DDR1: variants seen among roughly 807,000 people sequenced by gnomAD.
DDR1 encodes the protein discoidin domain receptor tyrosine kinase 1.
In DDR1, 64 loss-of-function variants were observed where a neutral mutation model predicts 97.4. That is an observed-to-expected ratio of 0.66 (90% confidence interval 0.54 to 0.81). The LOEUF is 0.81. Among genes scored for constraint, DDR1 ranks in the 30% least tolerant of loss-of-function variants. The probability of loss-of-function intolerance (pLI) is 0.00; values close to 1 mark genes in which losing one functional copy is unlikely to be tolerated. For missense variants in DDR1, 990 were observed against 1,259.6 expected (o/e 0.79, Z 3.24); for synonymous variants, 458 against 503.7 (o/e 0.91, Z 1.21).
chr6:30,894,396 C>A lies in DDR1; in HGVS notation c.1348-110C>A. 1 of 1,074,460 alleles carries A rather than the reference C, an allele frequency of 9.3e-7. No homozygotes were observed. The highest frequency in any genetic ancestry group is 1.3e-6 in the Non-Finnish European group (1 of 764,338). 66.6% of individuals were successfully genotyped at this position (1,074,460 alleles called of 1,614,324 possible). A position where few individuals can be genotyped will look rare whatever the true frequency, so the allele number is the denominator to read the frequency against. On this transcript the variant is annotated intron_variant, in intron 10 of 17. Coordinates refer to ENST00000376568, the MANE Select transcript of DDR1 (RefSeq NM_001297654.2). The surrounding 1 kb of genome is among the most constrained non-coding windows in gnomAD (Gnocchi z 5.7). ...AAGATGGTGCTGATAGTATCCACAG[C>A]TGTAGGGCTCTTGTGAGGGCTGAGG...
At chr6:30,887,797 A>C (rs1361115308) in intron 1 of DDR1, among the ~76,000 whole-genome samples, 1 of 152,036 alleles carries the variant, frequency 6.6e-6, no homozygotes, top group Non-Finnish European at 1.5e-5. Flanking sequence ...ATGGGGTCTC[A>C]CTATGTTCAC....
chr6:30,891,565 G>T lies in DDR1; in HGVS notation c.665+86G>T, dbSNP rs1335653494. On this transcript the variant is annotated intron_variant, in intron 6 of 17. Transcript: ENST00000376568. The surrounding 1 kb of genome is among the most constrained non-coding windows in gnomAD (Gnocchi z 5.3). ...TGTGTGTGTGTGTGTGTGAGAGTGTGTGTGTGTAGGGGGGCTGGTAAGTAG... is the reference window on the plus strand; with the variant it reads ...TGTGTGTGTGTGTGTGTGAGAGTGTTTGTGTGTAGGGGGGCTGGTAAGTAG... 47 of 942,402 alleles carry T rather than the reference G, an allele frequency of 5.0e-5. No individual in the cohort carries two copies. Among genetic ancestry groups the T allele is most frequent in the Admixed American group, 2.1e-4 (10 of 48,210 alleles). The allele number at this position is 942,402 out of a possible 1,614,324, so 58.4% of individuals were successfully genotyped here.
Position 30,896,659 on chromosome 6 carries a change from G to A in DDR1, c.1663G>A (p.Ala555Thr), listed in dbSNP as rs779496426. Residue 555 changes from alanine (A) to threonine (T), a missense_variant, in exon 13 of 18, where the codon GCC becomes ACC. By Grantham distance (58) the Ala-to-Thr change is moderately conservative. Coordinates refer to ENST00000376568, the MANE Select transcript of DDR1 (RefSeq NM_001297654.2). ...GDYMEPEKPG[A>T]PLLPPPPQNS... ...CTATATGGAGCCTGAGAAGCCAGGC[G>A]CCCCGCTTCTGCCCCCACCTCCCCA... 1.1e-5 allele frequency: 18 copies of A among 1,613,218 alleles called. No individual in the cohort carries two copies. The highest frequency in any genetic ancestry group is 5.0e-5 in the Admixed American group (3 of 59,854).
In DDR1 at chr6:30,896,826, C is replaced by T. The variant is rs1355075178; in HGVS notation, c.1830C>T (p.Leu610=). Residue 610 remains leucine, a synonymous_variant, in exon 13 of 18, where the codon CTC becomes CTT. Transcript: ENST00000376568. ...GAGTGGATTTCCCTCGATCTCGACT[C>T]CGCTTCAAGGAGAAGCTTGGCGAGG... The part of the protein sequence containing the change: ...PPRVDFPRSR[L]RFKEKLGEGQ... 1.3e-6 allele frequency: 2 copies of T among 1,590,606 alleles called. No individual in the cohort carries two copies. Among genetic ancestry groups the T allele is most frequent in the Non-Finnish European group, 1.7e-6 (2 of 1,166,562 alleles).
rs772571215 is a variant in DDR1, at chr6:30,896,670, G to A, written c.1674G>A (p.Leu558=). 2 of 1,613,144 alleles carry A rather than the reference G, an allele frequency of 1.2e-6. No individual in the cohort carries two copies. The highest frequency in any genetic ancestry group is 1.7e-6 in the Non-Finnish European group (2 of 1,179,680). Reference sequence around the variant, plus strand: ...CTGAGAAGCCAGGCGCCCCGCTTCTGCCCCCACCTCCCCAGAACAGCGTCC... The same window carrying A: ...CTGAGAAGCCAGGCGCCCCGCTTCTACCCCCACCTCCCCAGAACAGCGTCC... ...MEPEKPGAPL[L]PPPPQNSVPH... is the part of the protein sequence containing the mutation. The change falls in exon 13 of 18, where the codon CTG becomes CTA. Residue 558 remains leucine (L), a synonymous_variant. Coordinates refer to ENST00000376568, the MANE Select transcript of DDR1 (RefSeq NM_001297654.2).
chr6:30,888,520 T>C lies in DDR1; in HGVS notation c.-42-168T>C, dbSNP rs373262985. The stretch of plus-strand genomic sequence containing the variant: ...GATTCTGTTTAAGGGTTTAGGCCAG[T>C]GTCTGGCACAGGGGAAGCATTCTAA... On this transcript the variant is annotated intron_variant, in intron 1 of 17. Transcript: ENST00000376568. This position sits in a 1 kb window ranked among gnomAD's most constrained non-coding sequence, Gnocchi z 4.2. The C allele has an allele frequency of 1.7e-4, 127 of 729,826 alleles. 1 individual carries two copies. Among genetic ancestry groups the C allele is most frequent in the East Asian group, 1.1e-3 (39 of 36,892 alleles). 45.2% of individuals were successfully genotyped at this position (729,826 alleles called of 1,614,324 possible). A position where few individuals can be genotyped will look rare whatever the true frequency, so the allele number is the denominator to read the frequency against.
Position 30,896,784 on chromosome 6 carries a change from C to T in DDR1, c.1788C>T (p.Val596=), listed in dbSNP as rs148717477. The T allele has an allele frequency of 6.3e-5, 100 of 1,582,542 alleles. No homozygotes were observed. The African/African-American group carries it at 1.1e-3, about 17-fold the overall frequency. The change falls in exon 13 of 18, where the codon GTC becomes GTT. Residue 596 remains valine, a synonymous_variant. Transcript: ENST00000376568. ...TGCCTGCACTGCCCCCAGGGGCAGT[C>T]GGGGATGGGCCCCCCAGAGTGGATT... ...YAVPALPPGA[V]GDGPPRVDFP...
upstream of DDR1, chr6:30,884,329 G>A (rs1248623968): frequency 1.3e-5 from 2 of 151,540 alleles, no homozygotes; most frequent in East Asian, 1.9e-4. This position sits in a 1 kb window ranked among gnomAD's most constrained non-coding sequence, Gnocchi z 6.1. Context: ...GCGGGCGCGG[G>A]GCCTGGAGCT....
rs1453377102 is a variant in DDR1, at chr6:30,892,086, G to T, written c.750G>T (p.Trp250Cys). The T allele has an allele frequency of 6.2e-7, 1 of 1,614,210 alleles. No individual in the cohort carries two copies. The highest frequency in any genetic ancestry group is 1.1e-5 in the South Asian group (1 of 91,088). The change falls in exon 7 of 18, where the codon TGG becomes TGT. Residue 250 changes from tryptophan (W) to cysteine (C), a missense_variant. Physicochemically the swap from Trp to Cys is radical, Grantham distance 215. Transcript: ENST00000376568. ...GGAAGAGTCAGGAGCTGCGGGTCTGGCCAGGCTATGACTATGTGGGATGGA... is the reference window on the plus strand; with the variant it reads ...GGAAGAGTCAGGAGCTGCGGGTCTGTCCAGGCTATGACTATGTGGGATGGA... Reference protein sequence around the residue: ...DFRKSQELRVWPGYDYVGWSN... With the variant: ...DFRKSQELRVCPGYDYVGWSN...
rs1337954942 is a variant in DDR1 at position 30,898,173 on chromosome 6, C to T, written c.2317C>T (p.Leu773=). 5.6e-6 allele frequency: 9 copies of T among 1,614,278 alleles called. No homozygotes were observed. The highest frequency in any genetic ancestry group is 7.6e-6 in the Non-Finnish European group (9 of 1,180,048). The stretch of plus-strand genomic sequence containing the variant: ...TCGGGACCTGGCCACGCGGAACTGC[C>T]TAGTTGGGGAAAATTTCACCATCAA... The part of the protein sequence containing the change: ...VHRDLATRNC[L]VGENFTIKIA... The change falls in exon 16 of 18, where the codon CTA becomes TTA. Residue 773 remains leucine (L), a synonymous_variant. Coordinates refer to ENST00000376568, the MANE Select transcript of DDR1 (RefSeq NM_001297654.2).
chr6:30,886,933 G>A lies in DDR1; in HGVS notation c.-42-1755G>A, dbSNP rs1302161177. The A allele has an allele frequency of 6.6e-6, 1 of 152,228 alleles. No individual in the cohort carries two copies. Among genetic ancestry groups the A allele is most frequent in the Non-Finnish European group, 1.5e-5 (1 of 68,094 alleles). 9.4% of individuals were successfully genotyped at this position (152,228 alleles called of 1,614,324 possible). A position where few individuals can be genotyped will look rare whatever the true frequency, so the allele number is the denominator to read the frequency against. On this transcript the variant is annotated intron_variant, in intron 1 of 17. Coordinates refer to ENST00000376568, the MANE Select transcript of DDR1 (RefSeq NM_001297654.2). The surrounding 1 kb of genome is among the most constrained non-coding windows in gnomAD (Gnocchi z 4.6). ...AGTTTTATGTGGGGTAAGCTTCCTG[G>A]GCCTGAGGAACAGAGTAGGGATTTT...
At chr6:30,896,576 T>C in intron 12 of DDR1, 45 bp from the exon 13 acceptor site, 1 of 1,586,334 alleles carries the variant, frequency 6.3e-7, no homozygotes, top group Non-Finnish European at 8.6e-7. Flanking sequence ...GCTCTTGGGC[T>C]GTTCCTGATG....
In DDR1 at chr6:30,891,240, G is replaced by T. The variant is rs1389919673; in HGVS notation, c.565+120G>T. On this transcript the variant is annotated intron_variant, in intron 5 of 17. Transcript: ENST00000376568. The surrounding 1 kb of genome is among the most constrained non-coding windows in gnomAD (Gnocchi z 5.3). ...TGGGAAGCTGTCACTCTGAGGAGGG[G>T]GCTAGCCAGCATTGTCTCCTCCATG... The T allele has an allele frequency of 8.0e-6, 12 of 1,496,300 alleles. No homozygotes were observed. In the South Asian group the frequency reaches 1.2e-4, roughly 15 times the overall value. The allele number at this position is 1,496,300 out of a possible 1,614,324, so 92.7% of individuals were successfully genotyped here. A position where few individuals can be genotyped will look rare whatever the true frequency, so the allele number is the denominator to read the frequency against.
chr6:30,897,426 C>T lies in DDR1; in HGVS notation c.2045C>T (p.Pro682Leu). ...AAGATCATGTCGAGGCTCAAGGACCCAAACATCATTCGGCTGCTGGGCGTG... is the reference window on the plus strand; with the variant it reads ...AAGATCATGTCGAGGCTCAAGGACCTAAACATCATTCGGCTGCTGGGCGTG... ...EVKIMSRLKDPNIIRLLGVCV... is the reference protein window; with the variant it reads ...EVKIMSRLKDLNIIRLLGVCV... Residue 682 changes from proline (P) to leucine (L), a missense_variant, in exon 15 of 18, where the codon CCA (proline) becomes CTA (leucine). Coordinates refer to ENST00000376568, the MANE Select transcript of DDR1 (RefSeq NM_001297654.2). The surrounding 1 kb of genome is among the most constrained non-coding windows in gnomAD (Gnocchi z 5.2). The T allele has an allele frequency of 1.9e-6, 3 of 1,614,126 alleles. No homozygotes were observed. Among genetic ancestry groups the T allele is most frequent in the Non-Finnish European group, 2.5e-6 (3 of 1,180,022 alleles).
At chr6:30,885,680 G>C in intron 1 of DDR1, 1 of 1,321,420 alleles carries the variant, frequency 7.6e-7, no homozygotes, top group Non-Finnish European at 9.9e-7. Context: ...GGAATGCCAA[G>C]GTGTGGACGG....
In DDR1 at chr6:30,888,508, G is replaced by A. The variant is rs1786714014; in HGVS notation, c.-42-180G>A. 3.0e-6 allele frequency: 2 copies of A among 663,244 alleles called. No individual in the cohort carries two copies. The highest frequency in any genetic ancestry group is 1.8e-5 in the African/African-American group (1 of 55,032). 41.1% of individuals were successfully genotyped at this position (663,244 alleles called of 1,614,324 possible). ...GATAAAATTATGGATTCTGTTTAAG[G>A]GTTTAGGCCAGTGTCTGGCACAGGG... On this transcript the variant is annotated intron_variant, in intron 1 of 17. Coordinates refer to ENST00000376568, the MANE Select transcript of DDR1 (RefSeq NM_001297654.2). This position sits in a 1 kb window ranked among gnomAD's most constrained non-coding sequence, Gnocchi z 4.2.
rs752199108 is a variant in DDR1, at chr6:30,893,299, T to A, written c.1223T>A (p.Val408Glu). 1 of 1,605,982 alleles carries A rather than the reference T, an allele frequency of 6.2e-7. No individual in the cohort carries two copies. Among genetic ancestry groups the A allele is most frequent in the Admixed American group, 1.7e-5 (1 of 59,974 alleles). Reference protein sequence around the residue: ...LELEPRGQQPVAKAEGSPTAI... With the variant: ...LELEPRGQQPEAKAEGSPTAI... ...CTGGAGCCCAGAGGCCAGCAGCCCG[T>A]GGCCAAGGCCGAGGGGAGCCCGACC... The change falls in exon 10 of 18, where the codon GTG (valine) becomes GAG (glutamate). Residue 408 changes from valine (V) to glutamate (E), a missense_variant. Physicochemically the swap from Val to Glu is moderately radical, Grantham distance 121 (BLOSUM62 -2). Coordinates refer to ENST00000376568, the MANE Select transcript of DDR1 (RefSeq NM_001297654.2).
chr6:30,885,492 C>T, intron 1 of DDR1: 1 of 1,070,428 alleles, frequency 9.3e-7, no homozygotes, highest in East Asian at 2.6e-5. Flanking sequence ...GTCCCTCTGG[C>T]TTGGTCACCC....
Position 30,897,320 on chromosome 6 carries a change from C to T in DDR1, c.1998-59C>T, listed in dbSNP as rs755466961. 53 of 766,700 alleles carry T rather than the reference C, an allele frequency of 6.9e-5. No individual in the cohort carries two copies. Among genetic ancestry groups the T allele is most frequent in the East Asian group, 9.1e-5 (2 of 21,970 alleles). 47.5% of individuals were successfully genotyped at this position (766,700 alleles called of 1,614,324 possible). A position where few individuals can be genotyped will look rare whatever the true frequency, so the allele number is the denominator to read the frequency against. On this transcript the variant is annotated intron_variant, in intron 14 of 17. Transcript: ENST00000376568. The surrounding 1 kb of genome is among the most constrained non-coding windows in gnomAD (Gnocchi z 5.2). The stretch of plus-strand genomic sequence containing the variant: ...GAGGTGGGGCAGGGGGGTGGGGGCG[C>T]GGGGGAAGGTGCAGGCCGCCCACTC...
Sources: allele counts gnomAD v4.1 joint callset (sites outside exome capture counted in the v4.1 genomes callset), GRCh38; gene constraint gnomAD v4.1.1; non-coding constraint Gnocchi (gnomAD v3.1); transcripts MANE v1.5; gene names NCBI Gene and HGNC (gene_info 2026-07-23, HGNC 2026-07-21).